Variants in CCDC178 observed in about 807,000 individuals in gnomAD.
The protein encoded by CCDC178 is coiled-coil domain-containing protein 178.
CCDC178 carries 126 observed loss-of-function variants against 117.4 expected under a neutral mutation model. That is an observed-to-expected ratio of 1.07 (90% CI 0.93 to 1.24). The LOEUF (loss-of-function observed/expected upper bound fraction) is 1.24, where lower values mean the gene tolerates loss of function less well. CCDC178 is among the 50% of genes most tolerant of loss of function. CCDC178 has a pLI of 0.00. For missense variants in CCDC178, 1,030 were observed against 986.9 expected, an observed-to-expected ratio of 1.04 and a Z score of -0.59; for synonymous variants, 283 against 313.4, an observed-to-expected ratio of 0.90 and a Z score of 1.02.
chr18:33,006,365 A>G (rs1166955422), intron 21 of CCDC178, among the ~76,000 whole-genome samples: 1 of 152,134 alleles, frequency 6.6e-6, no homozygotes, highest in Admixed American at 6.6e-5. Flanking sequence ...AATGTATGAC[A>G]ACAATTTTTG....
rs368997347 is a variant in CCDC178, at chr18:33,291,187, TAAAC to T, written c.1176+1968_1176+1971del. ...TAATCTCAGGGGTGGGAAAATTTCTTAAACAAGTTCACAAAAGGAAAATGCACAA... is the reference window on the plus strand; with the variant it reads ...TAATCTCAGGGGTGGGAAAATTTCTTAAGTTCACAAAAGGAAAATGCACAA... On this transcript the variant is annotated intron_variant, in intron 12 of 22. Transcript: ENST00000383096. Among the ~76,000 whole-genome samples, 30 of 152,204 alleles carry T rather than the reference TAAAC, an allele frequency of 2.0e-4. No homozygotes were observed. The East Asian group carries it at 3.3e-3, about 17-fold the overall frequency.
chr18:33,220,207 T>C (rs2059214448), intron 18 of CCDC178, among the ~76,000 whole-genome samples: 1 of 152,086 alleles, frequency 6.6e-6, no homozygotes, highest in East Asian at 1.9e-4. Context: ...CTCTACTTTG[T>C]AGAAAAGGCA....
chr18:33,175,295 G>C (rs2058651904), intron 20 of CCDC178, among the ~76,000 whole-genome samples: 1 of 152,062 alleles, frequency 6.6e-6, no homozygotes, highest in African/African-American at 2.4e-5. Flanking sequence ...ACCTCCACCA[G>C]AATAATCCCT....
At chr18:33,180,620 A>T (rs1275611555) in intron 20 of CCDC178, among the ~76,000 whole-genome samples, 4 of 151,958 alleles carry the variant, frequency 2.6e-5, no homozygotes, top group African/African-American at 9.7e-5. Flanking sequence ...CAAACATGTC[A>T]CAGAATGTGA....
intron 20 of CCDC178, among the ~76,000 whole-genome samples, chr18:33,098,182 G>T (rs1285948967): frequency 1.3e-5 from 2 of 152,026 alleles, no homozygotes; most frequent in African/African-American, 4.8e-5. Context: ...ATTCTAGAAA[G>T]GTGGTTATGA....
At chr18:33,277,478 T>C (rs937926971) in intron 12 of CCDC178, among the ~76,000 whole-genome samples, 2 of 152,164 alleles carry the variant, frequency 1.3e-5, no homozygotes, top group East Asian at 1.9e-4. Flanking sequence ...ATAATGCCTA[T>C]TTACTATCTC....
At chr18:33,287,900 T>G (rs2060119077) in intron 12 of CCDC178, among the ~76,000 whole-genome samples, 1 of 152,262 alleles carries the variant, frequency 6.6e-6, no homozygotes, top group South Asian at 2.1e-4. Context: ...GTAGGTTTAC[T>G]CAATAATTGT....
chr18:33,024,110 G>A (rs144178734), intron 21 of CCDC178, among the ~76,000 whole-genome samples: 90 of 152,244 alleles, frequency 5.9e-4, no homozygotes, highest in African/African-American at 2.2e-3. Context: ...TTGAAAACTT[G>A]CCAAACAAGA....
intron 2 of CCDC178, among the ~76,000 whole-genome samples, chr18:33,420,217 G>A (rs1030697531): frequency 8.5e-5 from 13 of 152,068 alleles, no homozygotes; most frequent in Non-Finnish European, 1.5e-4. Flanking sequence ...AATATCACAT[G>A]TTCTCACTTA....
chr18:33,288,478 TCTTC>T (rs1417212320), intron 12 of CCDC178, among the ~76,000 whole-genome samples: 1 of 144,038 alleles, frequency 6.9e-6, no homozygotes, highest in Non-Finnish European at 1.5e-5. Flanking sequence ...TCCTTCCCTT[TCTTC>T]CTTCCATTTA....
chr18:33,223,563 A>G (rs1004489985), intron 17 of CCDC178, among the ~76,000 whole-genome samples: 8 of 152,248 alleles, frequency 5.3e-5, no homozygotes, highest in Non-Finnish European at 1.2e-4. Flanking sequence ...AGTATGTAAA[A>G]ACTTATTCTT....
Position 33,051,360 on chromosome 18 carries a change from C to T in CCDC178, c.2388+41401G>A, listed in dbSNP as rs183804532. Among the ~76,000 whole-genome samples the T allele has an allele frequency of 4.6e-4, 70 of 152,206 alleles. 1 individual carries two copies. Among genetic ancestry groups the T allele is most frequent in the South Asian group, 4.6e-3 (22 of 4,818 alleles). On this transcript the variant is annotated intron_variant, in intron 21 of 22. Coordinates refer to ENST00000383096, the MANE Select transcript of CCDC178 (RefSeq NM_001105528.4). ...AGGATGGCAAATATCCTGATGAAGG[C>T]GAGAAACTCTTCTGATTTAGGATTA...
chr18:33,045,909 A>G (rs1265453228), intron 21 of CCDC178, among the ~76,000 whole-genome samples: 1 of 152,106 alleles, frequency 6.6e-6, no homozygotes, highest in Non-Finnish European at 1.5e-5. Context: ...TCTAAAAAAA[A>G]CAAAAAAAAT....
At chr18:33,052,578 A>C (rs951860686) in intron 21 of CCDC178, among the ~76,000 whole-genome samples, 6 of 152,280 alleles carry the variant, frequency 3.9e-5, no homozygotes, top group East Asian at 3.9e-4. Flanking sequence ...ATTCTTGTTC[A>C]TATTGATTAA....
At chr18:33,283,592 G>C (rs1352717652) in intron 12 of CCDC178, among the ~76,000 whole-genome samples, 7 of 152,050 alleles carry the variant, frequency 4.6e-5, no homozygotes, top group Non-Finnish European at 7.4e-5. Flanking sequence ...CCATTAAAAA[G>C]TGGGCAAAGG....
intron 20 of CCDC178, among the ~76,000 whole-genome samples, chr18:33,143,702 T>C (rs1054033862): frequency 1.3e-5 from 2 of 152,132 alleles, no homozygotes; most frequent in Admixed American, 6.5e-5. Flanking sequence ...TTCAGCAAAG[T>C]AGCAGGCTTG....
intron 15 of CCDC178, among the ~76,000 whole-genome samples, chr18:33,235,369 TCTACCAAGA>T (rs2059415775): frequency 6.6e-6 from 1 of 152,186 alleles, no homozygotes; most frequent in African/African-American, 2.4e-5. Context: ...GTCTTACGAC[TCTACCAAGA>T]CTGGCATGAG....
chr18:33,121,021 G>A (rs1443469694), intron 20 of CCDC178, among the ~76,000 whole-genome samples: 2 of 152,082 alleles, frequency 1.3e-5, no homozygotes, highest in East Asian at 3.9e-4. Context: ...GTTGACACGA[G>A]GTGGACTGTG....
chr18:33,273,227 GGTGGTATTTCT>G (rs1437781153), intron 12 of CCDC178, among the ~76,000 whole-genome samples: 1 of 151,274 alleles, frequency 6.6e-6, no homozygotes, highest in East Asian at 1.9e-4. Context: ...CACAAACATT[GGTGGTATTTCT>G]ACACACTAGC....
Sources: gnomAD v4.1 joint callset for allele counts (sites outside exome capture counted in the v4.1 genomes callset) on GRCh38, gnomAD v4.1.1 for gene constraint, MANE v1.5 for transcripts, NCBI Gene and HGNC (gene_info 2026-07-23, HGNC 2026-07-21) for gene names.